TAFA2: variants seen among roughly 807,000 people sequenced by gnomAD.
The protein encoded by TAFA2 is TAFA chemokine like family member 2.
Under a neutral mutation model 18.8 loss-of-function variants are expected in TAFA2, and 7 were observed. The ratio of observed to expected loss-of-function variants is 0.37; its 90% CI spans 0.21 to 0.70. The LOEUF is 0.70. Ranked by LOEUF, TAFA2 falls within the 30% of genes least tolerant of loss-of-function variation. The pLI, the probability that TAFA2 is intolerant of heterozygous loss-of-function variation, is 0.53. For missense variants in TAFA2, 122 were observed against 158.1 expected, an observed-to-expected ratio of 0.77 and a Z score of 1.23; for synonymous variants, 60 against 54.2, an observed-to-expected ratio of 1.11 and a Z score of -0.47.
In TAFA2 at chr12:61,867,350, T is replaced by G; in HGVS notation, c.76A>C (p.Lys26Gln). The change falls in exon 2 of 5, where the codon AAA becomes CAA. Residue 26 changes from lysine (K) to glutamine (Q), a missense_variant. Physicochemically the swap from Lys to Gln is moderately conservative, Grantham distance 53. Coordinates refer to ENST00000416284, the MANE Select transcript of TAFA2 (RefSeq NM_178539.5). ...IIIFIVTLWG[K>Q]VVSSANHHKA... is the part of the protein sequence containing the mutation. ...TGATGGTTTGCACTGGATACAACTT[T>G]CCCCCACAAGGTTACAATAAATATT... 1 of 1,609,616 alleles carries G rather than the reference T, an allele frequency of 6.2e-7. No homozygotes were observed. Among genetic ancestry groups the G allele is most frequent in the Non-Finnish European group, 8.5e-7 (1 of 1,177,158 alleles).
Position 61,940,247 on chromosome 12 carries a change from C to T in TAFA2, c.-1-72821G>A, listed in dbSNP as rs192620669. ...AGGTCCCAAGCCCAGACACCCAGTG[C>T]TTGGTTTAATGCCCTGCTATTGCCA... On this transcript the variant is annotated intron_variant, in intron 1 of 4. Transcript: ENST00000416284. Among the ~76,000 whole-genome samples the T allele has an allele frequency of 1.6e-4, 24 of 152,308 alleles. No homozygotes were observed. In the East Asian group the frequency reaches 2.9e-3, roughly 18 times the overall value.
intron 1 of TAFA2, among the ~76,000 whole-genome samples, chr12:62,189,649 A>G (rs2062609103): frequency 2.0e-5 from 3 of 152,234 alleles, no homozygotes; most frequent in Admixed American, 2.0e-4. Context: ...TTAAAGCTTT[A>G]GAAGTGTTTT....
chr12:62,100,477 G>T (rs1204828175), intron 1 of TAFA2, among the ~76,000 whole-genome samples: 1 of 152,000 alleles, frequency 6.6e-6, no homozygotes, highest in Non-Finnish European at 1.5e-5. Context: ...GAGATTTCTG[G>T]TATACTAGCT....
intron 1 of TAFA2, among the ~76,000 whole-genome samples, chr12:62,065,243 C>T (rs1005713150): frequency 4.6e-5 from 7 of 151,946 alleles, no homozygotes; most frequent in Non-Finnish European, 8.8e-5. Context: ...AGAAAAAGCT[C>T]GTTAAGGTGA....
intron 1 of TAFA2, among the ~76,000 whole-genome samples, chr12:62,152,856 T>G (rs1402965710): frequency 6.6e-6 from 1 of 152,188 alleles, no homozygotes; most frequent in Non-Finnish European, 1.5e-5. Context: ...TCTCCACGAA[T>G]GTGTTGAGCC....
At chr12:62,010,446 G>A (rs1406132944) in intron 1 of TAFA2, among the ~76,000 whole-genome samples, 5 of 152,108 alleles carry the variant, frequency 3.3e-5, no homozygotes, top group African/African-American at 9.7e-5. Context: ...ACGGAGTCTC[G>A]CTCACTCAAT....
At chr12:61,839,672 T>A (rs531754576) in intron 2 of TAFA2, among the ~76,000 whole-genome samples, 1 of 152,192 alleles carries the variant, frequency 6.6e-6, no homozygotes, top group East Asian at 1.9e-4. Context: ...CAGCATGTTC[T>A]CACTTACAAA....
intron 1 of TAFA2, among the ~76,000 whole-genome samples, chr12:62,253,893 T>C (rs1464750691): frequency 2.0e-5 from 3 of 152,250 alleles, no homozygotes; most frequent in African/African-American, 4.8e-5. Flanking sequence ...GTCTAAAATA[T>C]GTCTTTGATC....
intron 1 of TAFA2, chr12:62,252,823 A>G (rs2062920961): frequency 6.6e-6 from 1 of 152,144 alleles, no homozygotes; most frequent in South Asian, 2.1e-4. Flanking sequence ...CCTTTGTTTG[A>G]TGTGATATTG....
At chr12:61,744,113 A>G (rs560359559) in intron 4 of TAFA2, among the ~76,000 whole-genome samples, 34 of 152,266 alleles carry the variant, frequency 2.2e-4, no homozygotes, top group Non-Finnish European at 3.1e-4. Flanking sequence ...ACAGAATTTT[A>G]TCTATCAGCC....
At chr12:62,186,995 T>A (rs950265500) in intron 1 of TAFA2, among the ~76,000 whole-genome samples, 1 of 152,152 alleles carries the variant, frequency 6.6e-6, no homozygotes, top group Non-Finnish European at 1.5e-5. Context: ...TTTGGAAAAC[T>A]AACATAAATT....
intron 2 of TAFA2, among the ~76,000 whole-genome samples, chr12:61,844,966 T>A (rs1421428294): frequency 6.6e-6 from 1 of 152,134 alleles, no homozygotes; most frequent in Non-Finnish European, 1.5e-5. Flanking sequence ...TACCATCATG[T>A]TGAGTTCAGG....
At chr12:62,128,916 G>T (rs1870573740) in intron 1 of TAFA2, among the ~76,000 whole-genome samples, 1 of 152,002 alleles carries the variant, frequency 6.6e-6, no homozygotes, top group African/African-American at 2.4e-5. Context: ...TGTGAAAGAG[G>T]TTACTGCAGA....
At position 62,037,307 on chromosome 12, in the gene TAFA2, G is replaced by A. The variant is rs116910841; in HGVS notation, c.-2+153952C>T. On this transcript the variant is annotated intron_variant, in intron 1 of 4. Transcript: ENST00000416284. ...ATTCAAACCAATAACCAAGAAGCAAGATCCAATGTCCTTAAGCACACTAGA... is the reference window on the plus strand; with the variant it reads ...ATTCAAACCAATAACCAAGAAGCAAAATCCAATGTCCTTAAGCACACTAGA... 9.8e-3 allele frequency among the ~76,000 whole-genome samples: 1,499 copies of A among 152,242 alleles called. 9 individuals are homozygous for A. The highest frequency in any genetic ancestry group is 0.015 in the Non-Finnish European group (1,005 of 68,016).
intron 1 of TAFA2, among the ~76,000 whole-genome samples, chr12:61,897,187 C>T (rs1018300870): frequency 6.6e-6 from 1 of 152,096 alleles, no homozygotes; most frequent in African/African-American, 2.4e-5. Context: ...TTTTAGGACC[C>T]ATGTAGAGTG....
chr12:62,030,986 C>G (rs943522988), intron 1 of TAFA2, among the ~76,000 whole-genome samples: 2 of 151,998 alleles, frequency 1.3e-5, no homozygotes, highest in African/African-American at 4.8e-5. Context: ...CACTACAACC[C>G]TTATATGGTA....
chr12:62,058,497 T>C (rs748326150), intron 1 of TAFA2, among the ~76,000 whole-genome samples: 34 of 152,230 alleles, frequency 2.2e-4, no homozygotes, highest in Non-Finnish European at 5.0e-4. Flanking sequence ...TAATTCCGTC[T>C]GAGTCCTTCC....
rs1434994490 is a variant in TAFA2, at chr12:62,011,088, C to T, written c.-1-143662G>A. On this transcript the variant is annotated intron_variant, in intron 1 of 4. Coordinates refer to ENST00000416284, the MANE Select transcript of TAFA2 (RefSeq NM_178539.5). ...GCCGCCCCGTCTGGGAGGTGGGGAGCGCCTCTGCCCGGCCACCCATCGTCT... is the reference window on the plus strand; with the variant it reads ...GCCGCCCCGTCTGGGAGGTGGGGAGTGCCTCTGCCCGGCCACCCATCGTCT... Among the ~76,000 whole-genome samples the T allele has an allele frequency of 5.4e-5, 8 of 149,202 alleles. No homozygotes were observed. The East Asian group carries it at 6.1e-4, about 11-fold the overall frequency.
chr12:61,899,592 A>G (rs1876007434), intron 1 of TAFA2, among the ~76,000 whole-genome samples: 3 of 152,200 alleles, frequency 2.0e-5, no homozygotes, highest in Non-Finnish European at 4.4e-5. Flanking sequence ...ACAACATGGG[A>G]ATCTGTCTCC....
Sources: allele counts gnomAD v4.1 joint callset (sites outside exome capture counted in the v4.1 genomes callset), GRCh38; gene constraint gnomAD v4.1.1; transcripts MANE v1.5; gene names NCBI Gene and HGNC (gene_info 2026-07-23, HGNC 2026-07-21).